Variants in DDX60L observed in about 807,000 individuals in gnomAD.
The protein encoded by DDX60L is DExD/H-box 60 like, also known as probable ATP-dependent RNA helicase DDX60-like.
In DDX60L, 191 loss-of-function variants were observed where a neutral mutation model predicts 211.6. The ratio of observed to expected loss-of-function variants is 0.90; its 90% confidence interval spans 0.80 to 1.02. DDX60L has a LOEUF of 1.02. DDX60L is among the 50% of genes least tolerant of loss of function. The pLI, the probability that DDX60L is intolerant of heterozygous loss-of-function variation, is 0.00. For synonymous variants in DDX60L, 706 were observed against 694.1 expected, an observed-to-expected ratio of 1.02 and a Z score of -0.27; for missense variants, 2,007 against 1,984.1, an observed-to-expected ratio of 1.01 and a Z score of -0.22.
chr4:168,391,492 T>G, intron 29 of DDX60L, 48 bp downstream of exon 29: 1 of 1,253,508 alleles, frequency 8.0e-7, no homozygotes, highest in Non-Finnish European at 1.1e-6. Flanking sequence ...TGGTTCATTA[T>G]TTCAAACTCA....
chr4:168,384,464 A>AG, intron 30 of DDX60L, 148 bp downstream of exon 30: 3 of 993,308 alleles, frequency 3.0e-6, no homozygotes, highest in Non-Finnish European at 4.5e-6. Context: ...TCCAGCCTAG[A>AG]TGACACAGCA....
At chr4:168,434,515 G>A (rs534497885) in intron 10 of DDX60L, among the ~76,000 whole-genome samples, 1 of 152,318 alleles carries the variant, frequency 6.6e-6, no homozygotes, top group South Asian at 2.1e-4. Flanking sequence ...AAATTGCTGT[G>A]GGAACTGCTA....
intron 17 of DDX60L, among the ~76,000 whole-genome samples, chr4:168,421,242 A>G (rs1423723663): frequency 1.3e-5 from 2 of 152,240 alleles, no homozygotes; most frequent in Non-Finnish European, 2.9e-5. Context: ...TAAAAAATTA[A>G]TCCTTAAAAA....
chr4:168,420,344 G>T lies in DDX60L; in HGVS notation c.2431C>A (p.Arg811Ser). The change falls in exon 18 of 38, where the codon CGT (arginine) becomes AGT (serine). Residue 811 changes from arginine to serine, a missense_variant. By Grantham distance (110) the Arg-to-Ser change is moderately radical. Transcript: ENST00000682922. ...VGQVAATVENRFTKTLPAGRT... is the reference protein window; with the variant it reads ...VGQVAATVENSFTKTLPAGRT... ...CCGGCAGGCAACGTTTTAGTAAAACGATTCTCAACAGTTGCAGCCACTTGA... is the reference window on the plus strand; with the variant it reads ...CCGGCAGGCAACGTTTTAGTAAAACTATTCTCAACAGTTGCAGCCACTTGA... The T allele has an allele frequency of 1.2e-6, 2 of 1,610,826 alleles. No homozygotes were observed. Among genetic ancestry groups the T allele is most frequent in the East Asian group, 4.5e-5 (2 of 44,834 alleles).
intron 26 of DDX60L, among the ~76,000 whole-genome samples, chr4:168,400,056 C>T (rs1389533017): frequency 6.6e-6 from 1 of 152,100 alleles, no homozygotes; most frequent in Non-Finnish European, 1.5e-5. Context: ...GTGTTGTTCC[C>T]CTCTATGTGT....
At position 168,457,874 on chromosome 4, in the gene DDX60L, A is replaced by G; in HGVS notation, c.723+18T>C. 1 of 1,428,446 alleles carries G rather than the reference A, an allele frequency of 7.0e-7. No homozygotes were observed. Among genetic ancestry groups the G allele is most frequent in the South Asian group, 1.3e-5 (1 of 77,082 alleles). 88.5% of individuals were successfully genotyped at this position (1,428,446 alleles called of 1,614,324 possible). A position where few individuals can be genotyped will look rare whatever the true frequency, so the allele number is the denominator to read the frequency against. ...AATTCTATCAAACTTTTATTTAAAG[A>G]AATAAAAATTTTAATACCTCTTCCA... On this transcript the variant is annotated intron_variant, in intron 6 of 37. Transcript: ENST00000682922.
intron 26 of DDX60L, among the ~76,000 whole-genome samples, chr4:168,399,848 A>G (rs1008742506): frequency 3.3e-5 from 5 of 152,196 alleles, no homozygotes; most frequent in African/African-American, 1.2e-4. Flanking sequence ...TCTATAGGCC[A>G]TTCTTTTGTT....
intron 30 of DDX60L, among the ~76,000 whole-genome samples, chr4:168,383,969 T>TCAGCTG (rs755502953): frequency 6.6e-6 from 1 of 152,160 alleles, no homozygotes; most frequent in Non-Finnish European, 1.5e-5. Flanking sequence ...CACCATCTAA[T>TCAGCTG]CAGCTGCCAG....
At chr4:168,376,211 T>C (rs1741922046) in intron 33 of DDX60L, among the ~76,000 whole-genome samples, 1 of 152,214 alleles carries the variant, frequency 6.6e-6, no homozygotes, top group South Asian at 2.1e-4. Context: ...TTATGGGTTT[T>C]ATTATTTATT....
intron 10 of DDX60L, among the ~76,000 whole-genome samples, chr4:168,439,814 A>T (rs1344684710): frequency 1.3e-5 from 2 of 152,222 alleles, no homozygotes; most frequent in Non-Finnish European, 2.9e-5. Context: ...AACAAGGCTC[A>T]AGGATAAACT....
intron 36 of DDX60L, among the ~76,000 whole-genome samples, chr4:168,364,673 G>A (rs1206988468): frequency 2.0e-5 from 3 of 152,128 alleles, no homozygotes; most frequent in African/African-American, 7.2e-5. Context: ...GGGCCACTGT[G>A]CCTGGCTGAT....
rs368969995 is a variant in DDX60L, at chr4:168,375,421, G to A, written c.4589C>T (p.Ser1530Leu). 243 of 1,612,546 alleles carry A rather than the reference G, an allele frequency of 1.5e-4. No homozygotes were observed. The highest frequency in any genetic ancestry group is 2.0e-4 in the Non-Finnish European group (233 of 1,179,330). ...TTGATGCTCTTTTTTCATGTTCACCGACTTGGAAGCAATCAGCAGGAAGGA... is the reference window on the plus strand; with the variant it reads ...TTGATGCTCTTTTTTCATGTTCACCAACTTGGAAGCAATCAGCAGGAAGGA... ...FASFLLIASK[S>L]VNMKKEHQLP... The change falls in exon 34 of 38, where the codon TCG becomes TTG. Residue 1530 changes from serine (S) to leucine (L), a missense_variant. Ser to Leu is a moderately radical substitution (Grantham distance 145). Transcript: ENST00000682922.
rs200792505 is a variant in DDX60L at position 168,421,863 on chromosome 4, A to G, written c.2291T>C (p.Val764Ala). 1.9e-4 allele frequency: 309 copies of G among 1,614,070 alleles called. No individual in the cohort carries two copies. Among genetic ancestry groups the G allele is most frequent in the Non-Finnish European group, 2.5e-4 (294 of 1,180,034 alleles). Residue 764 changes from valine (V) to alanine (A), a missense_variant, in exon 17 of 38, where the codon GTT becomes GCT. Physicochemically the swap from Val to Ala is moderately conservative, Grantham distance 64. Transcript: ENST00000682922. ...VVDKNESAVI[V>A]APTSSGKTYA... ...GGTTTTGCCTGAGGACGTTGGGGCA[A>G]CAATCACTGCTGACTCATTCTTATC...
intron 9 of DDX60L, among the ~76,000 whole-genome samples, chr4:168,447,637 A>G (rs1311456180): frequency 8.5e-5 from 13 of 152,074 alleles, no homozygotes; most frequent in Non-Finnish European, 1.6e-4. Flanking sequence ...CAAATGTCCA[A>G]CAATGATAGA....
At chr4:168,440,851 A>G (rs1161279437) in intron 10 of DDX60L, among the ~76,000 whole-genome samples, 1 of 152,214 alleles carries the variant, frequency 6.6e-6, no homozygotes, top group Non-Finnish European at 1.5e-5. Context: ...ATACAAAGAG[A>G]CAGTTCACAG....
chr4:168,421,694 G>A lies in DDX60L; in HGVS notation c.2394+66C>T, dbSNP rs541007795. 9.6e-5 allele frequency: 151 copies of A among 1,569,412 alleles called. 1 individual carries two copies. The Middle Eastern group carries it at 1.0e-3, about 11-fold the overall frequency. Reference sequence around the variant, plus strand: ...AGTGAATTAGATCTAGCATGTGACCGTGTGCATTCTTTTTAAAGGGGATGT... The same window carrying A: ...AGTGAATTAGATCTAGCATGTGACCATGTGCATTCTTTTTAAAGGGGATGT... On this transcript the variant is annotated intron_variant, in intron 17 of 37. Transcript: ENST00000682922.
At position 168,379,926 on chromosome 4, in the gene DDX60L, G is replaced by A. The variant is rs3749498; in HGVS notation, c.4117-96C>T. On this transcript the variant is annotated intron_variant, in intron 30 of 37. Transcript: ENST00000682922. ...GTACACATACATACTATATAGATAA[G>A]GTTACCAGATCTTACGTGAAAGTAA... The A allele has an allele frequency of 1.7e-5, 13 of 749,312 alleles. No homozygotes were observed. The African/African-American group carries it at 2.2e-4, about 13-fold the overall frequency. 46.4% of individuals were successfully genotyped at this position (749,312 alleles called of 1,614,324 possible).
intron 29 of DDX60L, chr4:168,390,571 C>A: frequency 1.9e-6 from 2 of 1,029,476 alleles, no homozygotes; most frequent in Admixed American, 2.8e-5. Context: ...CAAGAATAAG[C>A]AAAATGATAA....
At chr4:168,446,917 C>T (rs1349057491) in intron 9 of DDX60L, among the ~76,000 whole-genome samples, 5 of 110,908 alleles carry the variant, frequency 4.5e-5, no homozygotes, top group African/African-American at 1.7e-4. Flanking sequence ...AGACCTAAAA[C>T]CATAAAAACC....
Sources: allele counts gnomAD v4.1 joint callset (sites outside exome capture counted in the v4.1 genomes callset), GRCh38; gene constraint gnomAD v4.1.1; transcripts MANE v1.5; gene names NCBI Gene and HGNC (gene_info 2026-07-23, HGNC 2026-07-21).